The following HIP1R variants were observed in gnomAD, a reference collection of about 807,000 sequenced individuals.
HIP1R encodes huntingtin interacting protein 1 related, also known as huntingtin-interacting protein 1-related protein.
A neutral mutation model predicts 144.2 loss-of-function variants in HIP1R; 135 were observed. The observed-to-expected ratio is 0.94, with a 90% CI of 0.81 to 1.08. The LOEUF (loss-of-function observed/expected upper bound fraction) is 1.08, where lower values mean the gene tolerates loss of function less well. HIP1R is among the 50% of genes least tolerant of loss of function. HIP1R has a pLI of 0.00. For synonymous variants in HIP1R, 698 were observed against 612.8 expected (o/e 1.14, Z -2.05); for missense variants, 1,462 against 1,432.8 (o/e 1.02, Z -0.33).
At chr12:122,844,856 CT>C (rs1189481632) in intron 1 of HIP1R, among the ~76,000 whole-genome samples, 2 of 152,216 alleles carry the variant, frequency 1.3e-5, no homozygotes, top group Non-Finnish European at 2.9e-5. Flanking sequence ...GTCAGAGCTG[CT>C]GGGGTTGTTC....
chr12:122,843,014 T>A (rs1004686972), intron 1 of HIP1R, among the ~76,000 whole-genome samples: 1 of 152,168 alleles, frequency 6.6e-6, no homozygotes, highest in African/African-American at 2.4e-5. Context: ...ATGGGGGTAG[T>A]GGGAAGGGCC....
chr12:122,838,556 GA>G (rs932523725), intron 1 of HIP1R, among the ~76,000 whole-genome samples: 1 of 151,090 alleles, frequency 6.6e-6, no homozygotes, highest in African/African-American at 2.4e-5. Flanking sequence ...GTCCTTGTCT[GA>G]AAAAAAAACC....
At position 122,856,458 on chromosome 12, in the gene HIP1R, G is replaced by C. The variant is rs780024736; in HGVS notation, c.1428G>C (p.Thr476=). The C allele has an allele frequency of 2.5e-6, 4 of 1,589,750 alleles. No individual in the cohort carries two copies. Among genetic ancestry groups the C allele is most frequent in the Non-Finnish European group, 2.6e-6 (3 of 1,167,740 alleles). The change falls in exon 16 of 32, where the codon ACG becomes ACC. Residue 476 remains threonine, a synonymous_variant. Transcript: ENST00000253083. ...ACGCGGACACAGCCAAGCAGCTGACGGTGACGCAGCAAAGCCAGGAGGAGG... is the reference window on the plus strand; with the variant it reads ...ACGCGGACACAGCCAAGCAGCTGACCGTGACGCAGCAAAGCCAGGAGGAGG... ...RKNADTAKQL[T]VTQQSQEEVA...
chr12:122,835,652 GC>G lies in HIP1R; in HGVS notation c.93+10del. On this transcript the variant is annotated intron_variant, in intron 1 of 31. Transcript: ENST00000253083. ...AGTTCGACAAGACCCAGGCGAGCGG[GC>G]GGCGGGCGGCGGGCGGCGGGCGGCG... The G allele has an allele frequency of 1.1e-6, 1 of 919,256 alleles. No individual in the cohort carries two copies. The highest frequency in any genetic ancestry group is 1.3e-6 in the Non-Finnish European group (1 of 780,422). The allele number at this position is 919,256 out of a possible 1,614,324, so 56.9% of individuals were successfully genotyped here.
chr12:122,855,314 C>T lies in HIP1R; in HGVS notation c.902C>T (p.Pro301Leu), dbSNP rs761161357. 26 of 1,612,474 alleles carry T rather than the reference C, an allele frequency of 1.6e-5. No homozygotes were observed. The highest frequency in any genetic ancestry group is 3.3e-5 in the Admixed American group (2 of 59,966). The change falls in exon 11 of 32, where the codon CCG becomes CTG. Residue 301 changes from proline to leucine, a missense_variant. By Grantham distance (98) the Pro-to-Leu change is moderately conservative (BLOSUM62 -3). This residue lies in a region of HIP1R where 350 missense variants were observed against 421.1 expected (regional missense o/e 0.83). Coordinates refer to ENST00000253083, the MANE Select transcript of HIP1R (RefSeq NM_003959.3). Reference protein sequence around the residue: ...RASALAEHIKPVVVIPEEAPE... With the variant: ...RASALAEHIKLVVVIPEEAPE... The stretch of plus-strand genomic sequence containing the variant: ...TCAGCCCTGGCTGAGCACATCAAGC[C>T]GGTGGTGGTGATCCCCGAGGAGGCC...
intron 18 of HIP1R, chr12:122,857,799 G>T: frequency 3.0e-6 from 1 of 338,804 alleles, no homozygotes; most frequent in African/African-American, 2.1e-5. Context: ...GGTTTCTCAC[G>T]GTCTTGATTT....
intron 19 of HIP1R, 46 bp from the exon 20 acceptor site, chr12:122,858,303 C>T (rs761532797): frequency 2.1e-5 from 34 of 1,590,520 alleles, no homozygotes; most frequent in Non-Finnish European, 2.9e-5. Context: ...CATCCCCAGC[C>T]CTGAGCAGCG....
upstream of HIP1R, chr12:122,834,940 G>A (rs2032826798): frequency 8.5e-6 from 11 of 1,289,230 alleles, no homozygotes; most frequent in Non-Finnish European, 1.1e-5. Context: ...TGCTGCCACC[G>A]ACCAGACTCA....
Position 122,855,585 on chromosome 12 carries a change from C to A in HIP1R, c.1028C>A (p.Pro343His), listed in dbSNP as rs1376488692. 2 of 1,549,706 alleles carry A rather than the reference C, an allele frequency of 1.3e-6. No homozygotes were observed. The highest frequency in any genetic ancestry group is 1.7e-6 in the Non-Finnish European group (2 of 1,147,038). Residue 343 changes from proline (P) to histidine (H), a missense_variant, in exon 12 of 32, where the codon CCC (proline) becomes CAC (histidine). This residue lies in a region of HIP1R where 1,112 missense variants were observed against 1,011.7 expected (regional missense o/e 1.10). Transcript: ENST00000253083. ...VADLFDQTFG[P>H]PNGSVKDDRD... ...GACCTCTTCGATCAGACGTTTGGAC[C>A]CCCCAATGGGTCTGTGAAGGACGAC...
intron 1 of HIP1R, among the ~76,000 whole-genome samples, chr12:122,847,022 G>A (rs544213403): frequency 6.6e-6 from 1 of 152,334 alleles, no homozygotes; most frequent in Non-Finnish European, 1.5e-5. Context: ...TGTGGCTCAG[G>A]AGCCCAGCTG....
At chr12:122,839,108 A>G (rs1031274351) in intron 1 of HIP1R, among the ~76,000 whole-genome samples, 3 of 152,258 alleles carry the variant, frequency 2.0e-5, no homozygotes, top group South Asian at 2.1e-4. Flanking sequence ...ACTTGGCCCA[A>G]CCGTCTTTCT....
intron 27 of HIP1R, 57 bp from the exon 28 acceptor site, chr12:122,860,619 AGTG>A (rs1300779219): frequency 1.6e-5 from 25 of 1,561,518 alleles, no homozygotes; most frequent in Non-Finnish European, 2.1e-5. Flanking sequence ...GGGGGTGTGG[AGTG>A]GTGCCAGCCG....
intron 1 of HIP1R, among the ~76,000 whole-genome samples, chr12:122,846,742 C>T (rs954654598): frequency 7.2e-5 from 11 of 152,192 alleles, no homozygotes; most frequent in African/African-American, 2.4e-4. Context: ...GGGTCAGCAT[C>T]GTGCTAGGGG....
intron 23 of HIP1R, 118 bp downstream of exon 23, chr12:122,859,654 G>C (rs998298690): frequency 2.0e-5 from 28 of 1,387,986 alleles, no homozygotes; most frequent in Middle Eastern, 3.6e-4. Flanking sequence ...ACAGAGGACA[G>C]ATGGCGTTTT....
intron 12 of HIP1R, 101 bp from the exon 13 acceptor site, chr12:122,855,730 C>T (rs2033549210): frequency 3.3e-6 from 5 of 1,501,972 alleles, no homozygotes; most frequent in Non-Finnish European, 4.5e-6. Context: ...CCGTGAGGTG[C>T]CCAAATCCTG....
chr12:122,835,091 C>A, upstream of HIP1R: 1 of 968,188 alleles, frequency 1.0e-6, no homozygotes, highest in East Asian at 6.2e-5. Context: ...TCCCCCTCCC[C>A]CTTCCCCTAC....
chr12:122,838,320 TTAA>T (rs776437829), intron 1 of HIP1R, among the ~76,000 whole-genome samples: 1 of 145,392 alleles, frequency 6.9e-6, no homozygotes. Context: ...GTCCCTTTGG[TTAA>T]AAAAAAAAAA....
At chr12:122,849,453 G>A (rs766174099) in intron 4 of HIP1R, among the ~76,000 whole-genome samples, 3 of 152,376 alleles carry the variant, frequency 2.0e-5, no homozygotes, top group Middle Eastern at 6.8e-3. Context: ...ACCACTGCCC[G>A]GACTCACTTC....
At chr12:122,858,571 C>T (rs1006165675) in intron 20 of HIP1R, 136 bp downstream of exon 20, 4 of 739,362 alleles carry the variant, frequency 5.4e-6, no homozygotes, top group African/African-American at 1.8e-5. Flanking sequence ...CCTGCCTGCT[C>T]CTTCCCAGGA....
Sources: allele counts gnomAD v4.1 joint callset (sites outside exome capture counted in the v4.1 genomes callset), GRCh38; gene constraint gnomAD v4.1.1; regional missense constraint gnomAD v4.1.1; transcripts MANE v1.5; gene names NCBI Gene and HGNC (gene_info 2026-07-23, HGNC 2026-07-21).